The following ALKAL1 variants were observed in gnomAD, a reference collection of about 807,000 sequenced individuals.
ALKAL1 encodes the protein ALK and LTK ligand 1.
Under a neutral mutation model 13.5 loss-of-function variants are expected in ALKAL1, and 23 were observed. The ratio of observed to expected loss-of-function variants is 1.70; its 90% CI spans 1.23 to 2.41. The LOEUF (loss-of-function observed/expected upper bound fraction) is 2.41, where lower values mean the gene tolerates loss of function less well. ALKAL1 is among the 30% of genes most tolerant of loss of function. The probability of loss-of-function intolerance (pLI) is 0.00; values close to 1 mark genes in which losing one functional copy is unlikely to be tolerated. For synonymous variants in ALKAL1, 85 were observed against 77.7 expected, an observed-to-expected ratio of 1.09 and a Z score of -0.49; for missense variants, 181 against 178.4, an observed-to-expected ratio of 1.01 and a Z score of -0.08.
At chr8:52,560,394 A>T (rs780115702) in intron 1 of ALKAL1, among the ~76,000 whole-genome samples, 30 of 152,210 alleles carry the variant, frequency 2.0e-4, no homozygotes, top group Non-Finnish European at 4.0e-4. Context: ...CGTTTTCTAC[A>T]ATGGCAAATA....
chr8:52,556,307 C>A (rs1847480562), intron 1 of ALKAL1, among the ~76,000 whole-genome samples: 1 of 152,040 alleles, frequency 6.6e-6, no homozygotes, highest in South Asian at 2.1e-4. Context: ...ATAAGCACTC[C>A]ATAAGAAATG....
chr8:52,541,522 CT>C (rs1409335678), intron 2 of ALKAL1, among the ~76,000 whole-genome samples: 2 of 152,148 alleles, frequency 1.3e-5, no homozygotes, highest in Non-Finnish European at 2.9e-5. Context: ...AATCCCAGCA[CT>C]TTGGGAAGCC....
At chr8:52,546,807 A>C (rs553265245) in intron 1 of ALKAL1, among the ~76,000 whole-genome samples, 18 of 152,328 alleles carry the variant, frequency 1.2e-4, no homozygotes, top group Middle Eastern at 6.8e-3. Flanking sequence ...CCATTGTTCC[A>C]TCTGTGAGGG....
Position 52,542,431 on chromosome 8 carries a change from CT to C in ALKAL1, c.204del (p.Asp69ThrfsTer4), listed in dbSNP as rs763103255. ...ATGAATTTGTCTTTTAAGTTAGAGT[CT>C]CTTGGGAATATTTCTGAAAAGAAAA... is the stretch of plus-strand genomic sequence containing the variant. ...SGSRSAEIFP[R>X]DSNLKDKFIK... On this transcript the variant is annotated frameshift_variant, in exon 2 of 5. Transcript: ENST00000358543. LOFTEE classifies it high-confidence loss of function. The C allele has an allele frequency of 1.5e-5, 23 of 1,540,292 alleles. 1 individual carries two copies. The South Asian group carries it at 2.6e-4, about 17-fold the overall frequency.
intron 1 of ALKAL1, among the ~76,000 whole-genome samples, chr8:52,555,419 G>C (rs1426818729): frequency 6.6e-6 from 1 of 152,120 alleles, no homozygotes; most frequent in Admixed American, 6.6e-5. Flanking sequence ...CATTCCTAGA[G>C]AGAGTAAACT....
chr8:52,565,139 T>C lies in ALKAL1; in HGVS notation c.118A>G (p.Lys40Glu). 7.1e-7 allele frequency: 1 copy of C among 1,410,590 alleles called. No homozygotes were observed. The highest frequency in any genetic ancestry group is 1.5e-5 in the South Asian group (1 of 66,022). 87.4% of individuals were successfully genotyped at this position (1,410,590 alleles called of 1,614,324 possible). ...AGGAAAAGCAACGGCTTGGGCTCCT[T>C]ATCCGTGACGCGCGCTCCCCTGCGC... ...RGRRGARVTD[K>E]EPKPLLFLPA... The change falls in exon 1 of 5, where the codon AAG becomes GAG. Residue 40 changes from lysine to glutamate, a missense_variant. Physicochemically the swap from Lys to Glu is moderately conservative, Grantham distance 56 (BLOSUM62 1). Coordinates refer to ENST00000358543, the MANE Select transcript of ALKAL1 (RefSeq NM_207413.4).
At chr8:52,545,140 C>T (rs919236413) in intron 1 of ALKAL1, among the ~76,000 whole-genome samples, 2 of 152,128 alleles carry the variant, frequency 1.3e-5, no homozygotes, top group Non-Finnish European at 2.9e-5. Flanking sequence ...GAAAATAAAT[C>T]TCAGGACCCC....
intron 1 of ALKAL1, 100 bp downstream of exon 1, chr8:52,564,967 A>C: frequency 2.1e-6 from 2 of 973,900 alleles, no homozygotes; most frequent in Non-Finnish European, 2.7e-6. Flanking sequence ...TGCTGTACTA[A>C]TCTCAGGCTT....
rs547637099 is a variant in ALKAL1, at chr8:52,546,512, G to A, written c.191-4067C>T. ...CAGTTAGTTGCTTTGGCTTACTCAGGCATGTCTGGACAGGCCCAGGCAAGT... is the reference window on the plus strand; with the variant it reads ...CAGTTAGTTGCTTTGGCTTACTCAGACATGTCTGGACAGGCCCAGGCAAGT... On this transcript the variant is annotated intron_variant, in intron 1 of 4. Transcript: ENST00000358543. Among the ~76,000 whole-genome samples the A allele has an allele frequency of 7.9e-5, 12 of 152,280 alleles. 1 individual carries two copies. In the South Asian group the frequency reaches 2.5e-3, roughly 32 times the overall value.
Position 52,565,179 on chromosome 8 carries a change from G to A in ALKAL1, c.78C>T (p.His26=), listed in dbSNP as rs540723193. The change falls in exon 1 of 5, where the codon CAC becomes CAT. Residue 26 remains histidine, a synonymous_variant. Coordinates refer to ENST00000358543, the MANE Select transcript of ALKAL1 (RefSeq NM_207413.4). Reference sequence around the variant, plus strand: ...CTCCCCTGCGCCCCCGGGGCCTCCCGTGGGCTCCGTGCGGGGACAAAGCCA... The same window carrying A: ...CTCCCCTGCGCCCCCGGGGCCTCCCATGGGCTCCGTGCGGGGACAAAGCCA... ...LALALSPHGA[H]GRPRGRRGAR... is the part of the protein sequence containing the mutation. The A allele has an allele frequency of 3.6e-6, 5 of 1,377,262 alleles. No homozygotes were observed. In the South Asian group the frequency reaches 6.7e-5, roughly 18 times the overall value. 85.3% of individuals were successfully genotyped at this position (1,377,262 alleles called of 1,614,324 possible). A position where few individuals can be genotyped will look rare whatever the true frequency, so the allele number is the denominator to read the frequency against.
intron 1 of ALKAL1, among the ~76,000 whole-genome samples, chr8:52,544,815 A>G (rs1437145792): frequency 6.6e-6 from 1 of 152,242 alleles, no homozygotes; most frequent in East Asian, 1.9e-4. Flanking sequence ...CACAGTAACC[A>G]CTGCACTCTG....
intron 4 of ALKAL1, among the ~76,000 whole-genome samples, 191 bp downstream of exon 4, chr8:52,538,240 C>T (rs1486461808): frequency 6.6e-6 from 1 of 151,822 alleles, no homozygotes; most frequent in Non-Finnish European, 1.5e-5. Context: ...TTTTTTAAAG[C>T]TGCAAAAGAA....
chr8:52,541,669 T>C (rs1847314050), intron 2 of ALKAL1, among the ~76,000 whole-genome samples: 1 of 152,110 alleles, frequency 6.6e-6, no homozygotes, highest in Non-Finnish European at 1.5e-5. Context: ...TTTGGGAGGC[T>C]GAGGCAGGAG....
At chr8:52,551,427 T>C (rs192368239) in intron 1 of ALKAL1, among the ~76,000 whole-genome samples, 1 of 151,758 alleles carries the variant, frequency 6.6e-6, no homozygotes, top group Admixed American at 6.6e-5. Context: ...CCCAAGTAGC[T>C]AGGACAACAG....
At chr8:52,543,284 T>C (rs1038232773) in intron 1 of ALKAL1, among the ~76,000 whole-genome samples, 1 of 152,218 alleles carries the variant, frequency 6.6e-6, no homozygotes, top group African/African-American at 2.4e-5. Context: ...TTTAAGAATA[T>C]AATGGGGAAG....
At chr8:52,555,888 C>T (rs1847477299) in intron 1 of ALKAL1, among the ~76,000 whole-genome samples, 1 of 152,212 alleles carries the variant, frequency 6.6e-6, no homozygotes, top group Non-Finnish European at 1.5e-5. Flanking sequence ...CCCGTGAAGA[C>T]AAACTTCTTC....
rs1358312435 is a variant in ALKAL1 at position 52,557,980 on chromosome 8, A to AAAG, written c.190+7084_190+7086dup. On this transcript the variant is annotated intron_variant, in intron 1 of 4. Transcript: ENST00000358543. Reference sequence around the variant, plus strand: ...AGACTATGTCTGAAAAAAAAAAAAAAAAGAAGAAGAAGTATAAAATGTTCA... The same window carrying AAAG: ...AGACTATGTCTGAAAAAAAAAAAAAAAAGAAGAAGAAGAAGTATAAAATGTTCA... Among the ~76,000 whole-genome samples the AAAG allele has an allele frequency of 6.1e-4, 90 of 148,136 alleles. 1 individual carries two copies. The highest frequency in any genetic ancestry group is 2.3e-3 in the African/African-American group (89 of 39,070).
At chr8:52,538,379 A>T in intron 4 of ALKAL1, 52 bp downstream of exon 4, 1 of 1,068,764 alleles carries the variant, frequency 9.4e-7, no homozygotes, top group Non-Finnish European at 1.4e-6. Flanking sequence ...AAAAATGTTT[A>T]AAAATAAAGT....
At chr8:52,542,316 C>T in intron 2 of ALKAL1, 76 bp downstream of exon 2, 3 of 953,686 alleles carry the variant, frequency 3.1e-6, no homozygotes, top group South Asian at 1.5e-5. Context: ...TTTTCATATC[C>T]CTAGTGCCTG....
Sources: gnomAD v4.1 joint callset for allele counts (sites outside exome capture counted in the v4.1 genomes callset) on GRCh38, gnomAD v4.1.1 for gene constraint, MANE v1.5 for transcripts, NCBI Gene and HGNC (gene_info 2026-07-23, HGNC 2026-07-21) for gene names.